The following ASXL3 variants were observed in gnomAD, a reference collection of about 807,000 sequenced individuals.
The protein encoded by ASXL3 is ASXL transcriptional regulator 3.
In ASXL3, 34 loss-of-function variants were observed where a neutral mutation model predicts 170.6. That is an observed-to-expected ratio of 0.20 (90% CI 0.15 to 0.27). ASXL3 has a LOEUF of 0.27. Ranked by LOEUF, ASXL3 falls within the 10% of genes least tolerant of loss-of-function variation. The pLI is 1.00. For missense variants in ASXL3, 2,592 were observed against 2,695.3 expected, an observed-to-expected ratio of 0.96 and a Z score of 0.85; for synonymous variants, 1,002 against 989.1, an observed-to-expected ratio of 1.01 and a Z score of -0.24.
chr18:33,582,729 TGTGTGTGTGTG>T (rs2065004028), intron 1 of ASXL3, among the ~76,000 whole-genome samples: 3 of 150,560 alleles, frequency 2.0e-5, no homozygotes, highest in Admixed American at 6.6e-5. Context: ...TGTGTGTGTG[TGTGTGTGTGTG>T]TTTTCTTGGT....
intron 1 of ASXL3, among the ~76,000 whole-genome samples, chr18:33,606,275 T>C (rs2065247386): frequency 6.6e-6 from 1 of 152,006 alleles, no homozygotes; most frequent in Non-Finnish European, 1.5e-5. Context: ...CGTTCACATA[T>C]TCGTTGCCAT....
intron 1 of ASXL3, among the ~76,000 whole-genome samples, chr18:33,607,126 C>G (rs1016751690): frequency 6.6e-6 from 1 of 151,872 alleles, no homozygotes; most frequent in Non-Finnish European, 1.5e-5. Context: ...TTCCTGTATG[C>G]TTCTTTCAAC....
intron 2 of ASXL3, among the ~76,000 whole-genome samples, chr18:33,617,977 T>C (rs1179119003): frequency 1.3e-5 from 2 of 152,192 alleles, no homozygotes; most frequent in Non-Finnish European, 2.9e-5. Flanking sequence ...GCTTGTGCTC[T>C]TAATTGCCAC....
intron 4 of ASXL3, chr18:33,649,444 T>G (rs1208905859): frequency 6.6e-6 from 1 of 151,764 alleles, no homozygotes; most frequent in Non-Finnish European, 1.5e-5. Flanking sequence ...ATAGGGGAGG[T>G]AGTTTTGTAG....
At chr18:33,669,616 A>G (rs1337896357) in intron 5 of ASXL3, among the ~76,000 whole-genome samples, 1 of 150,454 alleles carries the variant, frequency 6.6e-6, no homozygotes, top group Non-Finnish European at 1.5e-5. Context: ...AAATAAAAGG[A>G]CATCGTTTTT....
chr18:33,663,347 A>G (rs1440966696), intron 5 of ASXL3, among the ~76,000 whole-genome samples: 2 of 152,186 alleles, frequency 1.3e-5, no homozygotes, highest in East Asian at 1.9e-4. Context: ...TGTGCACACC[A>G]TGAAATCTTC....
chr18:33,731,606 T>A (rs188366358), intron 8 of ASXL3, among the ~76,000 whole-genome samples: 92 of 152,284 alleles, frequency 6.0e-4, no homozygotes, highest in Non-Finnish European at 1.0e-3. Flanking sequence ...ATGCTTGACA[T>A]TGTTTAACTT....
At chr18:33,697,687 A>C (rs2066794507) in intron 8 of ASXL3, among the ~76,000 whole-genome samples, 1 of 152,000 alleles carries the variant, frequency 6.6e-6, no homozygotes, top group Non-Finnish European at 1.5e-5. Flanking sequence ...ACCTCTGGGC[A>C]ATTTTCTCAC....
chr18:33,671,919 C>A, intron 7 of ASXL3, 53 bp downstream of exon 7: 7 of 1,415,120 alleles, frequency 4.9e-6, no homozygotes, highest in South Asian at 3.1e-5. Context: ...TGTGTTTTCT[C>A]AAATAAATTA....
chr18:33,745,911 G>GCCCCC lies in ASXL3; in HGVS notation c.6065_6066insCCCCC (p.Pro2024LeufsTer58). 3 of 1,585,658 alleles carry GCCCCC rather than the reference G, an allele frequency of 1.9e-6. No homozygotes were observed. Among genetic ancestry groups the GCCCCC allele is most frequent in the South Asian group, 1.1e-5 (1 of 89,118 alleles). ...CACTAGTACATCCGCCGCCGCCACC[G>GCCCCC]CCTCCCCCTCCCCCTCCACCCTTGG... On this transcript the variant is annotated frameshift_variant, in exon 12 of 12. Coordinates refer to ENST00000269197, the MANE Select transcript of ASXL3 (RefSeq NM_030632.3). LOFTEE classifies it high-confidence loss of function.
rs1008880883 is a variant in ASXL3, at chr18:33,738,655, T to A, written c.1251T>A (p.Gly417=). ...SMKSPASPEP[G]FCATLCPMVE... is the part of the protein sequence containing the mutation. ...AAAGCCCAGCTTCTCCAGAGCCTGG[T>A]TTCTGTGCTACTCTTTGCCCTATGG... The change falls in exon 11 of 12, where the codon GGT becomes GGA. Residue 417 remains glycine (G), a synonymous_variant. Coordinates refer to ENST00000269197, the MANE Select transcript of ASXL3 (RefSeq NM_030632.3). The A allele has an allele frequency of 6.2e-7, 1 of 1,613,934 alleles. No homozygotes were observed. The highest frequency in any genetic ancestry group is 1.7e-5 in the Admixed American group (1 of 60,018).
intron 2 of ASXL3, chr18:33,616,713 A>G (rs1409674668): frequency 1.3e-5 from 2 of 152,152 alleles, no homozygotes; most frequent in African/African-American, 4.8e-5. Context: ...TAAGGTTGGC[A>G]GTGTCCGTTT....
At position 33,745,840 on chromosome 18, in the gene ASXL3, G is replaced by C. The variant is rs762717568; in HGVS notation, c.5992G>C (p.Glu1998Gln). 2.6e-5 allele frequency: 42 copies of C among 1,613,828 alleles called. No individual in the cohort carries two copies. The East Asian group carries it at 8.2e-4, about 32-fold the overall frequency. ...GTTATCCCCCAATATGCCCATGAAAGAAGGTGATGAGGTGGGAGGCACTGC... is the reference window on the plus strand; with the variant it reads ...GTTATCCCCCAATATGCCCATGAAACAAGGTGATGAGGTGGGAGGCACTGC... The part of the protein sequence containing the change: ...NMLSPNMPMK[E>Q]GDEVGGTAHT... The change falls in exon 12 of 12, where the codon GAA becomes CAA. Residue 1998 changes from glutamate to glutamine, a missense_variant. This residue lies in a region of ASXL3 where 2,246 missense variants were observed against 2,219.6 expected (regional missense o/e 1.01). Coordinates refer to ENST00000269197, the MANE Select transcript of ASXL3 (RefSeq NM_030632.3).
chr18:33,727,086 A>G (rs968266056), intron 8 of ASXL3, among the ~76,000 whole-genome samples: 1 of 152,084 alleles, frequency 6.6e-6, no homozygotes, highest in Non-Finnish European at 1.5e-5. Flanking sequence ...TTCCCCGCAC[A>G]TACTCAATGT....
At chr18:33,735,651 T>G (rs2067532911) in intron 10 of ASXL3, among the ~76,000 whole-genome samples, 1 of 152,150 alleles carries the variant, frequency 6.6e-6, no homozygotes, top group Non-Finnish European at 1.5e-5. Flanking sequence ...AGGATAAGAT[T>G]AAAGACCACT....
intron 4 of ASXL3, chr18:33,649,719 G>A (rs2065968458): frequency 1.3e-5 from 2 of 152,166 alleles, no homozygotes; most frequent in Non-Finnish European, 1.5e-5. Flanking sequence ...AATGTCCATA[G>A]AATTTAAGCT....
intron 8 of ASXL3, among the ~76,000 whole-genome samples, chr18:33,703,867 C>G (rs184929382): frequency 7.9e-5 from 12 of 152,232 alleles, no homozygotes; most frequent in Admixed American, 5.2e-4. Flanking sequence ...GATACTCTAA[C>G]TGGGTAATTT....
chr18:33,740,553 G>A (rs928213337), intron 11 of ASXL3, 110 bp downstream of exon 11: 1 of 1,086,242 alleles, frequency 9.2e-7, no homozygotes, highest in Admixed American at 3.0e-5. Context: ...TTATGCAGCA[G>A]TTTATAATCT....
intron 7 of ASXL3, among the ~76,000 whole-genome samples, chr18:33,676,308 AG>A (rs2066430035): frequency 1.3e-5 from 2 of 150,782 alleles, no homozygotes; most frequent in Admixed American, 1.3e-4. Context: ...TATACCACCC[AG>A]CTTGGGAAGC....
Sources: allele counts gnomAD v4.1 joint callset (sites outside exome capture counted in the v4.1 genomes callset), GRCh38; gene constraint gnomAD v4.1.1; regional missense constraint gnomAD v4.1.1; transcripts MANE v1.5; gene names NCBI Gene and HGNC (gene_info 2026-07-23, HGNC 2026-07-21).